The following ANKRD16 variants were observed in gnomAD, a reference collection of about 807,000 sequenced individuals.
ANKRD16 encodes ankyrin repeat domain 16, also known as ankyrin repeat domain-containing protein 16.
In ANKRD16, 35 loss-of-function variants were observed where a neutral mutation model predicts 37.9. That is an observed-to-expected ratio of 0.92 (90% CI 0.71 to 1.23). ANKRD16 has a LOEUF of 1.23. ANKRD16 is among the 50% of genes most tolerant of loss of function. ANKRD16 has a pLI of 0.00. For missense variants in ANKRD16, 480 were observed against 469.9 expected (o/e 1.02, Z -0.20); for synonymous variants, 206 against 197.2 (o/e 1.04, Z -0.37).
At chr10:5,867,705 T>C (rs776680064) in intron 7 of ANKRD16, among the ~76,000 whole-genome samples, 5 of 152,118 alleles carry the variant, frequency 3.3e-5, no homozygotes, top group Non-Finnish European at 7.4e-5. Flanking sequence ...CCCCTACTTA[T>C]AGGGTTAGGA....
At position 5,889,446 on chromosome 10, in the gene ANKRD16, C is replaced by T; in HGVS notation, c.-92G>A. On this transcript the variant is annotated 5_prime_UTR_variant, in exon 1 of 8. Transcript: ENST00000380094. ...AGCCGAGGGCGAGTGGGACTTTCCG[C>T]CTCTTCACGCAACCTGCCCCGCGCG... The T allele has an allele frequency of 2.1e-6, 2 of 938,016 alleles. No homozygotes were observed. Among genetic ancestry groups the T allele is most frequent in the South Asian group, 1.1e-4 (2 of 18,986 alleles). The allele number at this position is 938,016 out of a possible 1,614,324, so 58.1% of individuals were successfully genotyped here.
chr10:5,884,911 T>C (rs1363439855), intron 3 of ANKRD16, among the ~76,000 whole-genome samples: 2 of 152,160 alleles, frequency 1.3e-5, no homozygotes. Context: ...TCTGGAATGG[T>C]CCCTTGCCTC....
intron 5 of ANKRD16, among the ~76,000 whole-genome samples, chr10:5,881,500 C>T (rs1842316592): frequency 8.0e-6 from 1 of 125,204 alleles, no homozygotes; most frequent in African/African-American, 2.9e-5. Flanking sequence ...TAGTCTCACT[C>T]TGTTGCTTGG....
rs1317769470 is a variant in ANKRD16, at chr10:5,864,370, T to C, written c.*34-1679A>G. Among the ~76,000 whole-genome samples the C allele has an allele frequency of 1.3e-5, 2 of 152,094 alleles. No homozygotes were observed. The highest frequency in any genetic ancestry group is 2.9e-5 in the Non-Finnish European group (2 of 68,016). ...ACCCCTGCTATCGGTTATGTCCTTT[T>C]CAAGCTGTATGGGGAGGGGAATTTG... On this transcript the variant is annotated intron_variant, in intron 7 of 7. Coordinates refer to ENST00000380094, the MANE Select transcript of ANKRD16 (RefSeq NM_019046.3). This position sits in a 1 kb window ranked among gnomAD's most constrained non-coding sequence, Gnocchi z 4.4.
chr10:5,887,510 G>A (rs1341204671), intron 2 of ANKRD16, among the ~76,000 whole-genome samples: 2 of 151,980 alleles, frequency 1.3e-5, no homozygotes, highest in Non-Finnish European at 2.9e-5. Context: ...GAGCTCCCCA[G>A]TAGCTGGGAT....
At chr10:5,873,300 G>A (rs2131761433) in intron 7 of ANKRD16, among the ~76,000 whole-genome samples, 1 of 152,084 alleles carries the variant, frequency 6.6e-6, no homozygotes, top group South Asian at 2.1e-4. Flanking sequence ...AAAGTGCTGG[G>A]ATAACAGGCA....
chr10:5,872,687 G>T (rs1008607102), intron 7 of ANKRD16, among the ~76,000 whole-genome samples: 1 of 150,432 alleles, frequency 6.6e-6, no homozygotes, highest in Non-Finnish European at 1.5e-5. Context: ...CTCTCGAGTA[G>T]CTAGGACTAC....
chr10:5,873,954 G>A (rs777526741), intron 7 of ANKRD16, among the ~76,000 whole-genome samples: 3 of 151,434 alleles, frequency 2.0e-5, no homozygotes, highest in African/African-American at 4.8e-5. Context: ...GTGCAGTGGT[G>A]ATCTTGGTTC....
chr10:5,884,227 G>A lies in ANKRD16; in HGVS notation c.579-150C>T, dbSNP rs147432125. 701 of 631,428 alleles carry A rather than the reference G, an allele frequency of 1.1e-3. 13 individuals are homozygous for A. The East Asian group carries it at 0.015, about 13-fold the overall frequency. The allele number at this position is 631,428 out of a possible 1,614,324, so 39.1% of individuals were successfully genotyped here. On this transcript the variant is annotated intron_variant, in intron 3 of 7. Transcript: ENST00000380094. ...TCTATTCTCCCCCATCTCAGTGTCC[G>A]AACTGAGCACTAAGCCTTCAGGAGC...
In ANKRD16 at chr10:5,866,258, C is replaced by T. The variant is rs933884334; in HGVS notation, c.*34-3567G>A. ...AGGATGGGGAACCGATCGAGCATGA[C>T]TGCCAACAAGTTATAGTCCAGACTT... On this transcript the variant is annotated intron_variant, in intron 7 of 7. Transcript: ENST00000380094. This position sits in a 1 kb window ranked among gnomAD's most constrained non-coding sequence, Gnocchi z 4.3. Among the ~76,000 whole-genome samples, 1 of 152,174 alleles carries T rather than the reference C, an allele frequency of 6.6e-6. No individual in the cohort carries two copies. The highest frequency in any genetic ancestry group is 1.5e-5 in the Non-Finnish European group (1 of 68,034).
chr10:5,884,012 C>T lies in ANKRD16; in HGVS notation c.644G>A (p.Cys215Tyr). Reference protein sequence around the residue: ...GVTALMDAIQCGHIDVARLLL... With the variant: ...GVTALMDAIQYGHIDVARLLL... Reference sequence around the variant, plus strand: ...CAGCCTAGCGACGTCGATGTGCCCACACTGGATTGCGTCCATCAAGGCGGT... The same window carrying T: ...CAGCCTAGCGACGTCGATGTGCCCATACTGGATTGCGTCCATCAAGGCGGT... Residue 215 changes from cysteine to tyrosine, a missense_variant, in exon 4 of 8, where the codon TGT (cysteine) becomes TAT (tyrosine). Coordinates refer to ENST00000380094, the MANE Select transcript of ANKRD16 (RefSeq NM_019046.3). 1 of 1,614,208 alleles carries T rather than the reference C, an allele frequency of 6.2e-7. No individual in the cohort carries two copies. The highest frequency in any genetic ancestry group is 8.5e-7 in the Non-Finnish European group (1 of 1,180,034).
Position 5,887,785 on chromosome 10 carries a change from GGCAGTGCTGGGTGAA to G in ANKRD16, c.535+47_535+61del, listed in dbSNP as rs1842464583. 16 of 1,491,398 alleles carry G rather than the reference GGCAGTGCTGGGTGAA, an allele frequency of 1.1e-5. No individual in the cohort carries two copies. In the East Asian group the frequency reaches 3.8e-4, roughly 36 times the overall value. The allele number at this position is 1,491,398 out of a possible 1,614,324, so 92.4% of individuals were successfully genotyped here. A position where few individuals can be genotyped will look rare whatever the true frequency, so the allele number is the denominator to read the frequency against. On this transcript the variant is annotated intron_variant, in intron 2 of 7. Transcript: ENST00000380094. ...AGGTGACCTGAACAAGATGCGGTTG[GGCAGTGCTGGGTGAA>G]GCAGCCACATGTGTGTACTGCTCAC... is the stretch of plus-strand genomic sequence containing the variant.
In ANKRD16 at chr10:5,862,654, G is replaced by C; in HGVS notation, c.*71C>G. On this transcript the variant is annotated 3_prime_UTR_variant, in exon 8 of 8. Coordinates refer to ENST00000380094, the MANE Select transcript of ANKRD16 (RefSeq NM_019046.3). This position sits in a 1 kb window ranked among gnomAD's most constrained non-coding sequence, Gnocchi z 6.5. Reference sequence around the variant, plus strand: ...AAGCAAGTTGCACTTGGCTTTCTCTGAGCCGAAAAACGAAAGGTGCTCAGG... The same window carrying C: ...AAGCAAGTTGCACTTGGCTTTCTCTCAGCCGAAAAACGAAAGGTGCTCAGG... 1 of 1,289,654 alleles carries C rather than the reference G, an allele frequency of 7.8e-7. No homozygotes were observed. The highest frequency in any genetic ancestry group is 2.2e-4 in the Middle Eastern group (1 of 4,618). 79.9% of individuals were successfully genotyped at this position (1,289,654 alleles called of 1,614,324 possible).
rs1389479049 is a variant in ANKRD16, at chr10:5,870,466, C to A, written c.*33+7631G>T. On this transcript the variant is annotated intron_variant, in intron 7 of 7. Transcript: ENST00000380094. The surrounding 1 kb of genome is among the most constrained non-coding windows in gnomAD (Gnocchi z 5.0). ...TCACCCAGGCTGGAATACAAAAGTG[C>A]AATCATAGCTCACTGCAGCCTTGAC... Among the ~76,000 whole-genome samples, 1 of 150,484 alleles carries A rather than the reference C, an allele frequency of 6.6e-6. No individual in the cohort carries two copies. Among genetic ancestry groups the A allele is most frequent in the Non-Finnish European group, 1.5e-5 (1 of 67,816 alleles).
chr10:5,882,370 C>T (rs1842330507), intron 5 of ANKRD16, among the ~76,000 whole-genome samples: 1 of 151,622 alleles, frequency 6.6e-6, no homozygotes, highest in Non-Finnish European at 1.5e-5. Flanking sequence ...GGTGAAACCC[C>T]GTCTCTACCA....
At position 5,884,685 on chromosome 10, in the gene ANKRD16, T is replaced by C. The variant is rs550686124; in HGVS notation, c.579-608A>G. ...AGGTGGAGGTTGCAGTGAGCTGAGA[T>C]TGCACCATTGCAGTCCAGCCTGGGT... On this transcript the variant is annotated intron_variant, in intron 3 of 7. Transcript: ENST00000380094. Among the ~76,000 whole-genome samples the C allele has an allele frequency of 1.4e-4, 20 of 146,682 alleles. No homozygotes were observed. In the East Asian group the frequency reaches 3.6e-3, roughly 26 times the overall value.
chr10:5,867,971 G>T (rs7075421), intron 7 of ANKRD16, among the ~76,000 whole-genome samples: 3,975 of 152,208 alleles, frequency 0.026, 163 homozygotes, highest in African/African-American at 0.09. Flanking sequence ...CACTAACCAG[G>T]CAGGGATAGT....
rs1841978108 is a variant in ANKRD16 at position 5,863,934 on chromosome 10, A to C, written c.*34-1243T>G. ...AGATGGGAAACACTCAGGCATCAAC[A>C]GGCTCACCCTTGAAATGCATCTAAG... On this transcript the variant is annotated intron_variant, in intron 7 of 7. Coordinates refer to ENST00000380094, the MANE Select transcript of ANKRD16 (RefSeq NM_019046.3). The surrounding 1 kb of genome is among the most constrained non-coding windows in gnomAD (Gnocchi z 4.7). Among the ~76,000 whole-genome samples the C allele has an allele frequency of 6.6e-6, 1 of 152,136 alleles. No homozygotes were observed. Among genetic ancestry groups the C allele is most frequent in the Non-Finnish European group, 1.5e-5 (1 of 68,038 alleles).
chr10:5,865,209 G>A lies in ANKRD16; in HGVS notation c.*34-2518C>T, dbSNP rs1022208313. On this transcript the variant is annotated intron_variant, in intron 7 of 7. Transcript: ENST00000380094. This position sits in a 1 kb window ranked among gnomAD's most constrained non-coding sequence, Gnocchi z 4.7. Reference sequence around the variant, plus strand: ...ACCTGGTAGGGCTTGTTACCAGTGTGGTTTGCAAGGACACCTTAAAAAAGA... The same window carrying A: ...ACCTGGTAGGGCTTGTTACCAGTGTAGTTTGCAAGGACACCTTAAAAAAGA... 6.6e-6 allele frequency among the ~76,000 whole-genome samples: 1 copy of A among 152,178 alleles called. No homozygotes were observed. Among genetic ancestry groups the A allele is most frequent in the Non-Finnish European group, 1.5e-5 (1 of 68,040 alleles).
Sources: allele counts gnomAD v4.1 joint callset (sites outside exome capture counted in the v4.1 genomes callset), GRCh38; gene constraint gnomAD v4.1.1; non-coding constraint Gnocchi (gnomAD v3.1); transcripts MANE v1.5; gene names NCBI Gene and HGNC (gene_info 2026-07-23, HGNC 2026-07-21).